ARSD: variants seen among roughly 807,000 people sequenced by gnomAD.
The protein encoded by ARSD is testis tissue sperm-binding protein Li 39a.
A neutral mutation model predicts 32.6 loss-of-function variants in ARSD; 21 were observed. The ratio of observed to expected loss-of-function variants is 0.64; its 90% CI spans 0.46 to 0.93. ARSD has a LOEUF of 0.93. ARSD is among the 40% of genes least tolerant of loss of function. The pLI is 0.00. For synonymous variants in ARSD, 224 were observed against 237.4 expected, an observed-to-expected ratio of 0.94 and a Z score of 0.52; for missense variants, 454 against 520.9, an observed-to-expected ratio of 0.87 and a Z score of 1.25.
At chrX:2,917,252 C>G (rs114326488) in intron 5 of ARSD, among the ~76,000 whole-genome samples, 1 of 109,275 alleles carries the variant, frequency 9.2e-6, no homozygotes, top group South Asian at 4.0e-4. Flanking sequence ...GTTTAAAAAA[C>G]TGTCAATAAA....
intron 1 of ARSD, among the ~76,000 whole-genome samples, chrX:2,927,491 C>A (rs2089095385): frequency 9.0e-6 from 1 of 111,021 alleles, no homozygotes; most frequent in African/African-American, 3.3e-5. Flanking sequence ...CGGGATTTCA[C>A]CATATTGGCC....
Position 2,908,788 on chromosome X carries a change from C to T in ARSD, c.1353G>A (p.Ser451=), listed in dbSNP as rs749735838. ...AGTAATGAAACAGGAACTCATGTGC[C>T]GAGCGTGCCTCAGCTCCCTGCAGCA... is the stretch of plus-strand genomic sequence containing the variant. ...VPLLQGAEAR[S]AHEFLFHYCG... Residue 451 remains serine (S), a synonymous_variant, in exon 9 of 10, where the codon TCG becomes TCA. Transcript: ENST00000381154. 6.6e-6 allele frequency: 8 copies of T among 1,209,925 alleles called. No individual in the cohort carries two copies. Among genetic ancestry groups the T allele is most frequent in the East Asian group, 5.9e-5 (2 of 33,752 alleles).
chrX:2,904,220 C>T lies in ARSD; in HGVS notation c.*3051G>A, dbSNP rs1366552370. ...GGCTCTGGGAAGGCATGCTGAGACC[C>T]GTTTTTGCAAGTCCTGAGGAATGGA... On this transcript the variant is annotated 3_prime_UTR_variant, in exon 10 of 10. Transcript: ENST00000381154. The T allele has an allele frequency of 6.3e-5, 7 of 111,161 alleles. No homozygotes were observed. The highest frequency in any genetic ancestry group is 1.9e-4 in the Admixed American group (2 of 10,392). 9.2% of individuals were successfully genotyped at this position (111,161 alleles called of 1,213,427 possible). A position where few individuals can be genotyped will look rare whatever the true frequency, so the allele number is the denominator to read the frequency against.
Position 2,908,189 on chromosome X carries a change from GTCCA to G in ARSD, c.1420+528_1420+531del, listed in dbSNP as rs1422927285. On this transcript the variant is annotated intron_variant, in intron 9 of 9. Transcript: ENST00000381154. ...TTATCTACCTTTCATCCATCTATCTGTCCATCCATCTATTCATCCATCCATGAAC... is the reference window on the plus strand; with the variant it reads ...TTATCTACCTTTCATCCATCTATCTGTCCATCTATTCATCCATCCATGAAC... Among the ~76,000 whole-genome samples, 4 of 109,592 alleles carry G rather than the reference GTCCA, an allele frequency of 3.6e-5. No homozygotes were observed. In the Admixed American group the frequency reaches 3.9e-4, roughly 11 times the overall value.
chrX:2,915,562 G>C lies in ARSD; in HGVS notation c.994C>G (p.Leu332Val). Residue 332 changes from leucine (L) to valine (V), a missense_variant, in exon 6 of 10, where the codon CTC (leucine) becomes GTC (valine). Transcript: ENST00000381154. ...CCATGGTACCTTGACTTACCTATGA[G>C]CCAGTCCATCTCCTCCACATTATCA... ...YGDNVEEMDWLIGKVLNAIED... is the reference protein window; with the variant it reads ...YGDNVEEMDWVIGKVLNAIED... The C allele has an allele frequency of 2.5e-6, 3 of 1,211,255 alleles. No homozygotes were observed. Among genetic ancestry groups the C allele is most frequent in the Non-Finnish European group, 3.4e-6 (3 of 895,124 alleles).
At chrX:2,908,030 T>A (rs778069717) in intron 9 of ARSD, 14 of 685,445 alleles carry the variant, frequency 2.0e-5, no homozygotes, top group Non-Finnish European at 2.5e-5. Flanking sequence ...GATTGGGTAC[T>A]TATCTATCTA....
rs1318531901 is a variant in ARSD, at chrX:2,904,019, C to A, written c.*3252G>T. 4 of 111,576 alleles carry A rather than the reference C, an allele frequency of 3.6e-5. No individual in the cohort carries two copies. Among genetic ancestry groups the A allele is most frequent in the Non-Finnish European group, 7.5e-5 (4 of 53,159 alleles). 9.2% of individuals were successfully genotyped at this position (111,576 alleles called of 1,213,427 possible). A position where few individuals can be genotyped will look rare whatever the true frequency, so the allele number is the denominator to read the frequency against. On this transcript the variant is annotated 3_prime_UTR_variant, in exon 10 of 10. Coordinates refer to ENST00000381154, the MANE Select transcript of ARSD (RefSeq NM_001669.4). ...TTCAGTATTTCTGCTGCACTGCCAG[C>A]CTAGGGATGCACTTGATTCCCAAGA...
chrX:2,909,879 C>G lies in ARSD; in HGVS notation c.1236G>C (p.Thr412=), dbSNP rs765001357. Residue 412 remains threonine (T), a synonymous_variant, in exon 8 of 10, where the codon ACG becomes ACC. Coordinates refer to ENST00000381154, the MANE Select transcript of ARSD (RefSeq NM_001669.4). ...CAGTAGGGAACACGTCCATCAGGCT[C>G]GTGGGCTCTCCAATCACTCGGCCGG... ...LPAGRVIGEP[T]SLMDVFPTVV... is the part of the protein sequence containing the mutation. The G allele has an allele frequency of 2.5e-6, 3 of 1,211,058 alleles. No individual in the cohort carries two copies. In the South Asian group the frequency reaches 5.3e-5, roughly 21 times the overall value.
At chrX:2,926,488 C>T (rs886240752) in intron 1 of ARSD, among the ~76,000 whole-genome samples, 1 of 112,122 alleles carries the variant, frequency 8.9e-6, no homozygotes, top group African/African-American at 3.2e-5. Context: ...CATAAAGGCG[C>T]TGGTTGTTTC....
rs375430014 is a variant in ARSD at position 2,907,532 on chromosome X, G to A, written c.1521C>T (p.Gly507=). 6.0e-5 allele frequency: 71 copies of A among 1,182,707 alleles called. No homozygotes were observed. The highest frequency in any genetic ancestry group is 7.0e-5 in the Non-Finnish European group (62 of 880,338). The change falls in exon 10 of 10, where the codon GGC becomes GGT. Residue 507 remains glycine (G), a synonymous_variant. Coordinates refer to ENST00000381154, the MANE Select transcript of ARSD (RefSeq NM_001669.4). The stretch of plus-strand genomic sequence containing the variant: ...GCAAAGGGGGTCTGTGATGGGTCAC[G>A]CCCTCCCCGGAGCATGGGCAGACGC... ...GRGVCPCSGE[G]VTHHRPPLLF...
In ARSD at chrX:2,904,805, C is replaced by T. The variant is rs774698894; in HGVS notation, c.*2466G>A. On this transcript the variant is annotated 3_prime_UTR_variant, in exon 10 of 10. Coordinates refer to ENST00000381154, the MANE Select transcript of ARSD (RefSeq NM_001669.4). ...TGTTGGGATTGTTTGAATGGTTGAG[C>T]GTGAAAGACTTGTTATAATGGGCTT... 49 of 180,922 alleles carry T rather than the reference C, an allele frequency of 2.7e-4. No homozygotes were observed. The highest frequency in any genetic ancestry group is 4.2e-4 in the Non-Finnish European group (41 of 98,469). The allele number at this position is 180,922 out of a possible 1,213,427, so 14.9% of individuals were successfully genotyped here.
intron 1 of ARSD, among the ~76,000 whole-genome samples, chrX:2,928,540 G>C (rs1195755933): frequency 2.1e-5 from 2 of 96,879 alleles, no homozygotes; most frequent in Non-Finnish European, 4.2e-5. Flanking sequence ...CCGAAGAGGC[G>C]GGGGGCGGGA....
At chrX:2,922,734 A>C (rs1390615360) in intron 2 of ARSD, among the ~76,000 whole-genome samples, 2 of 104,594 alleles carry the variant, frequency 1.9e-5, no homozygotes, top group African/African-American at 7.0e-5. Context: ...GCTACTCGGG[A>C]GGCTGAGACA....
At chrX:2,928,927 C>CTTT in intron 1 of ARSD, among the ~76,000 whole-genome samples, 1 of 112,287 alleles carries the variant, frequency 8.9e-6, no homozygotes, top group Admixed American at 9.3e-5. Flanking sequence ...AGCCTTCCTC[C>CTTT]GCCCTCCCTT....
At chrX:2,907,831 T>C (rs2088865416) in intron 9 of ARSD, 199 bp from the exon 10 acceptor site, 13 of 969,810 alleles carry the variant, frequency 1.3e-5, no homozygotes, top group Admixed American at 5.1e-5. Flanking sequence ...CGCCCATGTG[T>C]GTCCGTTTGT....
At chrX:2,928,874 A>G (rs1370323637) in intron 1 of ARSD, among the ~76,000 whole-genome samples, 1 of 112,017 alleles carries the variant, frequency 8.9e-6, no homozygotes, top group Non-Finnish European at 1.9e-5. Context: ...AGGACCCAGC[A>G]GGGCGTGACC....
At chrX:2,924,532 G>A (rs2089063232) in intron 2 of ARSD, among the ~76,000 whole-genome samples, 1 of 113,270 alleles carries the variant, frequency 8.8e-6, no homozygotes, top group South Asian at 3.5e-4. Context: ...GAAAGCACGT[G>A]AGCACCACTC....
At position 2,905,257 on chromosome X, in the gene ARSD, C is replaced by T. The variant is rs1427163369; in HGVS notation, c.*2014G>A. 4.2e-6 allele frequency: 1 copy of T among 237,849 alleles called. No individual in the cohort carries two copies. The highest frequency in any genetic ancestry group is 7.8e-6 in the Non-Finnish European group (1 of 127,500). 19.6% of individuals were successfully genotyped at this position (237,849 alleles called of 1,213,427 possible). ...CTTAGAATCCCATCCTCACCTAATA[C>T]CTGGTATTGAACACTGCCTTTCTTA... On this transcript the variant is annotated 3_prime_UTR_variant, in exon 10 of 10. Coordinates refer to ENST00000381154, the MANE Select transcript of ARSD (RefSeq NM_001669.4).
intron 6 of ARSD, among the ~76,000 whole-genome samples, chrX:2,911,750 G>C (rs1337004284): frequency 9.0e-6 from 1 of 110,760 alleles, no homozygotes; most frequent in Non-Finnish European, 1.9e-5. Context: ...AAGTAGTGGG[G>C]GCGGGGGGAG....
Sources: gnomAD v4.1 joint callset for allele counts (sites outside exome capture counted in the v4.1 genomes callset) on GRCh38, gnomAD v4.1.1 for gene constraint, MANE v1.5 for transcripts, NCBI Gene and HGNC (gene_info 2026-07-23, HGNC 2026-07-21) for gene names.